DTNB: variants seen among roughly 807,000 people sequenced by gnomAD.
DTNB encodes DTN-B.
A neutral mutation model predicts 90.7 loss-of-function variants in DTNB; 63 were observed. That is an observed-to-expected ratio of 0.69 (90% CI 0.57 to 0.86). DTNB has a LOEUF of 0.86. Among genes scored for constraint, DTNB ranks in the 40% least tolerant of loss-of-function variants. The pLI is 0.00. For synonymous variants in DTNB, 277 were observed against 286.7 expected, an observed-to-expected ratio of 0.97 and a Z score of 0.34; for missense variants, 744 against 807.1, an observed-to-expected ratio of 0.92 and a Z score of 0.95.
At chr2:25,672,361 A>G (rs936720818) in intron 1 of DTNB, among the ~76,000 whole-genome samples, 14 of 152,124 alleles carry the variant, frequency 9.2e-5, no homozygotes, top group Non-Finnish European at 1.9e-4. Context: ...TGCAATAGAC[A>G]CTTATGGCTC....
chr2:25,432,964 T>A lies in DTNB; in HGVS notation c.1379A>T (p.Glu460Val). ...ILQEIQRLRLEHEQASQPTPE... is the reference protein window; with the variant it reads ...ILQEIQRLRLVHEQASQPTPE... ...GGTGGGCTGGGAGGCCTGCTCGTGT[T>A]CCAGGCGGAGACGCTGAATCTCCTG... The change falls in exon 14 of 21, where the codon GAA becomes GTA. Residue 460 changes from glutamate (E) to valine (V), a missense_variant. Transcript: ENST00000406818. The A allele has an allele frequency of 6.2e-7, 1 of 1,610,670 alleles. No homozygotes were observed.
At chr2:25,462,383 G>C (rs1408792779) in intron 10 of DTNB, among the ~76,000 whole-genome samples, 1 of 152,062 alleles carries the variant, frequency 6.6e-6, no homozygotes, top group Non-Finnish European at 1.5e-5. Context: ...CTTGTCCTGA[G>C]GCTGGGTGTA....
At chr2:25,407,802 A>G (rs1256532551) in intron 16 of DTNB, among the ~76,000 whole-genome samples, 2 of 152,204 alleles carry the variant, frequency 1.3e-5, no homozygotes, top group Non-Finnish European at 2.9e-5. Context: ...TGAAGGATAA[A>G]AAACTACATA....
chr2:25,458,530 G>A (rs1173308790), intron 10 of DTNB, among the ~76,000 whole-genome samples: 1 of 152,042 alleles, frequency 6.6e-6, no homozygotes, highest in African/African-American at 2.4e-5. Context: ...GTGCCATGGT[G>A]CAATCATGGA....
intron 5 of DTNB, among the ~76,000 whole-genome samples, chr2:25,598,199 C>T (rs1000130505): frequency 1.5e-4 from 23 of 152,228 alleles, no homozygotes; most frequent in Middle Eastern, 6.8e-3. Context: ...GTTCCTTATT[C>T]CCTTCCTCCT....
At chr2:25,406,467 G>A (rs1305154406) in intron 16 of DTNB, among the ~76,000 whole-genome samples, 7 of 151,398 alleles carry the variant, frequency 4.6e-5, no homozygotes, top group African/African-American at 7.3e-5. Flanking sequence ...CCTGGGAGGC[G>A]GAGGTTGCGG....
Position 25,526,372 on chromosome 2 carries a change from T to TAAATATATAA in DTNB, c.1001+5100_1001+5101insTTATATATTT, listed in dbSNP as rs1287797041. ...TTATAAATATATATAAATATATATA[T>TAAATATATAA]ATATATATATATATATATATATATT... On this transcript the variant is annotated intron_variant, in intron 9 of 20. Coordinates refer to ENST00000406818, the MANE Select transcript of DTNB (RefSeq NM_021907.5). 1.9e-4 allele frequency among the ~76,000 whole-genome samples: 12 copies of TAAATATATAA among 62,434 alleles called. No individual in the cohort carries two copies. The Admixed American group carries it at 2.1e-3, about 11-fold the overall frequency. 41.0% of individuals were successfully genotyped at this position (62,434 alleles called of 152,430 possible). A position where few individuals can be genotyped will look rare whatever the true frequency, so the allele number is the denominator to read the frequency against.
At chr2:25,513,136 G>A (rs2074287210) in intron 9 of DTNB, among the ~76,000 whole-genome samples, 1 of 152,240 alleles carries the variant, frequency 6.6e-6, no homozygotes, top group Admixed American at 6.5e-5. Context: ...GCAATGTGAA[G>A]ACTTGCAAAG....
chr2:25,563,717 C>T (rs181829964), intron 8 of DTNB, among the ~76,000 whole-genome samples: 8 of 152,254 alleles, frequency 5.3e-5, no homozygotes, highest in Non-Finnish European at 1.0e-4. Context: ...ACTATTCTTT[C>T]CTCCATTGGA....
intron 9 of DTNB, among the ~76,000 whole-genome samples, chr2:25,514,963 G>A (rs147168867): frequency 5.9e-5 from 9 of 152,110 alleles, no homozygotes; most frequent in East Asian, 5.8e-4. Context: ...GATTACAGGC[G>A]TGAGTCACCG....
chr2:25,439,868 A>T (rs1181727623), intron 12 of DTNB, among the ~76,000 whole-genome samples: 1 of 152,232 alleles, frequency 6.6e-6, no homozygotes, highest in Non-Finnish European at 1.5e-5. Flanking sequence ...TATCTAATAA[A>T]CTTATTATAC....
At chr2:25,599,406 AT>A (rs2065349967) in intron 5 of DTNB, among the ~76,000 whole-genome samples, 1 of 150,592 alleles carries the variant, frequency 6.6e-6, no homozygotes, top group South Asian at 2.1e-4. Flanking sequence ...CAGTGGTGTG[AT>A]CTTGGCTCAC....
intron 8 of DTNB, among the ~76,000 whole-genome samples, chr2:25,553,575 T>C (rs2056747829): frequency 6.6e-6 from 1 of 151,292 alleles, no homozygotes; most frequent in African/African-American, 2.4e-5. Context: ...CCATCTCTAC[T>C]AAAAATACAA....
At chr2:25,621,484 T>C (rs1212647725) in intron 4 of DTNB, among the ~76,000 whole-genome samples, 1 of 150,814 alleles carries the variant, frequency 6.6e-6, no homozygotes, top group African/African-American at 2.4e-5. Context: ...TTTGCTCTTA[T>C]TGCCCAGGCT....
chr2:25,427,244 ATAT>A (rs1237615487), intron 15 of DTNB, among the ~76,000 whole-genome samples: 2 of 151,618 alleles, frequency 1.3e-5, no homozygotes, highest in Admixed American at 6.6e-5. Flanking sequence ...TAGTTGAGAA[ATAT>A]TATTCATTTT....
intron 8 of DTNB, among the ~76,000 whole-genome samples, chr2:25,563,174 A>G (rs1397068245): frequency 6.6e-6 from 1 of 152,232 alleles, no homozygotes; most frequent in East Asian, 1.9e-4. Flanking sequence ...TCACGTTGCC[A>G]TAACTTTTTC....
At chr2:25,661,420 G>GA (rs1347129177) in intron 1 of DTNB, among the ~76,000 whole-genome samples, 1 of 152,184 alleles carries the variant, frequency 6.6e-6, no homozygotes, top group Non-Finnish European at 1.5e-5. Context: ...TACATAAAAA[G>GA]TTGCACATAA....
intron 10 of DTNB, among the ~76,000 whole-genome samples, chr2:25,462,772 C>T (rs940270999): frequency 6.6e-6 from 1 of 151,602 alleles, no homozygotes; most frequent in Non-Finnish European, 1.5e-5. Context: ...GGCGGGATCT[C>T]GGCTCACTGC....
chr2:25,560,619 A>C (rs1276066123), intron 8 of DTNB, among the ~76,000 whole-genome samples: 1 of 152,020 alleles, frequency 6.6e-6, no homozygotes, highest in Non-Finnish European at 1.5e-5. Context: ...CTATATCATC[A>C]GTTCTCCTGG....
Sources: gnomAD v4.1 joint callset for allele counts (sites outside exome capture counted in the v4.1 genomes callset) on GRCh38, gnomAD v4.1.1 for gene constraint, MANE v1.5 for transcripts, NCBI Gene and HGNC (gene_info 2026-07-23, HGNC 2026-07-21) for gene names.